Variants in RAB33B observed in about 807,000 individuals in gnomAD.
The protein encoded by RAB33B is RAB33B, member RAS oncogene family.
A neutral mutation model predicts 15.0 loss-of-function variants in RAB33B; 6 were observed. The observed-to-expected ratio is 0.40, with a 90% CI of 0.22 to 0.79. The LOEUF (loss-of-function observed/expected upper bound fraction) is 0.79. RAB33B is among the 30% of genes least tolerant of loss of function. The probability of loss-of-function intolerance (pLI) is 0.37; values close to 1 mark genes in which losing one functional copy is unlikely to be tolerated. For missense variants in RAB33B, 257 were observed against 296.4 expected (o/e 0.87, Z 0.98); for synonymous variants, 117 against 108.3 (o/e 1.08, Z -0.50).
chr4:139,454,009 G>A (rs1750006652), upstream of RAB33B: 3 of 580,786 alleles, frequency 5.2e-6, no homozygotes, highest in African/African-American at 2.0e-5. Context: ...GGGCGGGCGG[G>A]TGCCACACCT....
intron 1 of RAB33B, among the ~76,000 whole-genome samples, chr4:139,470,854 C>T (rs1750374322): frequency 6.6e-6 from 1 of 151,924 alleles, no homozygotes; most frequent in South Asian, 2.1e-4. Context: ...GGAATGAGGG[C>T]CTCACAACTC....
Position 139,475,603 on chromosome 4 carries a change from A to G in RAB33B, c.*2477A>G, listed in dbSNP as rs957954391. The G allele has an allele frequency of 6.6e-6, 1 of 152,066 alleles. No individual in the cohort carries two copies. The highest frequency in any genetic ancestry group is 1.5e-5 in the Non-Finnish European group (1 of 67,926). The allele number at this position is 152,066 out of a possible 1,614,324, so 9.4% of individuals were successfully genotyped here. ...CAAAATCACTTCCAAAATGATAGCT[A>G]TCTAACAACTAATTACTAATTTTTA... On this transcript the variant is annotated 3_prime_UTR_variant, in exon 2 of 2. Coordinates refer to ENST00000305626, the MANE Select transcript of RAB33B (RefSeq NM_031296.3).
At position 139,473,065 on chromosome 4, in the gene RAB33B, C is replaced by T; in HGVS notation, c.629C>T (p.Pro210Leu). 1.2e-6 allele frequency: 2 copies of T among 1,613,916 alleles called. No individual in the cohort carries two copies. Among genetic ancestry groups the T allele is most frequent in the Non-Finnish European group, 8.5e-7 (1 of 1,179,948 alleles). ...CACAAACCATTAATGCTTAGTCAGC[C>T]CCCTGATAATGGAATTATCCTGAAG... The part of the protein sequence containing the change: ...KSHKPLMLSQ[P>L]PDNGIILKPE... The change falls in exon 2 of 2, where the codon CCC (proline) becomes CTC (leucine). Residue 210 changes from proline to leucine, a missense_variant. Transcript: ENST00000305626.
At chr4:139,460,078 A>G (rs138813751) in intron 1 of RAB33B, among the ~76,000 whole-genome samples, 7 of 152,210 alleles carry the variant, frequency 4.6e-5, no homozygotes, top group Admixed American at 2.6e-4. Flanking sequence ...TATTTTGAAG[A>G]TAAAGCCAAA....
chr4:139,447,187 C>T, the RAB33B span, among the ~76,000 whole-genome samples: 2 of 152,170 alleles, frequency 1.3e-5, no homozygotes, highest in South Asian at 2.1e-4. Flanking sequence ...CATGTTCCCC[C>T]GTCATCCTGA....
chr4:139,450,433 A>G (rs995153055), upstream of RAB33B: 6 of 152,222 alleles, frequency 3.9e-5, no homozygotes, highest in African/African-American at 1.2e-4. Flanking sequence ...CAGGGTATCA[A>G]ACTTGTGAGA....
chr4:139,467,479 T>C (rs1750312715), intron 1 of RAB33B, among the ~76,000 whole-genome samples: 1 of 151,114 alleles, frequency 6.6e-6, no homozygotes, highest in Non-Finnish European at 1.5e-5. Context: ...GTACATTATA[T>C]GTTTTGATGC....
chr4:139,451,981 TATTCA>T (rs1443468282), upstream of RAB33B: 1 of 152,234 alleles, frequency 6.6e-6, no homozygotes, highest in Admixed American at 6.5e-5. Context: ...ATTCTGGGGT[TATTCA>T]ATTAAGAAGA....
the RAB33B span, among the ~76,000 whole-genome samples, chr4:139,443,209 G>A: frequency 6.6e-6 from 1 of 152,192 alleles, no homozygotes; most frequent in South Asian, 2.1e-4. Flanking sequence ...AGCCAGGATG[G>A]TCTCGATCTC....
chr4:139,464,386 G>GTTTTTTTTTTTTTT (rs372330119), intron 1 of RAB33B, among the ~76,000 whole-genome samples: 2 of 101,772 alleles, frequency 2.0e-5, no homozygotes, highest in Admixed American at 1.3e-4. Flanking sequence ...GAGGAATACT[G>GTTTTTTTTTTTTTT]TTTTTTTTTT....
At chr4:139,467,147 T>G (rs1209590795) in intron 1 of RAB33B, among the ~76,000 whole-genome samples, 1 of 150,228 alleles carries the variant, frequency 6.7e-6, no homozygotes, top group Non-Finnish European at 1.5e-5. Flanking sequence ...TTTTGTATTA[T>G]TAGTAGAGAT....
rs1287684779 is a variant in RAB33B at position 139,473,066 on chromosome 4, C to T, written c.630C>T (p.Pro210=). 6.2e-7 allele frequency: 1 copy of T among 1,613,902 alleles called. No individual in the cohort carries two copies. Among genetic ancestry groups the T allele is most frequent in the Admixed American group, 1.7e-5 (1 of 59,988 alleles). The stretch of plus-strand genomic sequence containing the variant: ...ACAAACCATTAATGCTTAGTCAGCC[C>T]CCTGATAATGGAATTATCCTGAAGC... The part of the protein sequence containing the change: ...KSHKPLMLSQ[P]PDNGIILKPE... Residue 210 remains proline, a synonymous_variant, in exon 2 of 2, where the codon CCC becomes CCT. Transcript: ENST00000305626.
the RAB33B span, among the ~76,000 whole-genome samples, chr4:139,446,738 C>T: frequency 7.2e-5 from 11 of 152,152 alleles, no homozygotes; most frequent in Non-Finnish European, 1.3e-4. Context: ...AATGGGCCCA[C>T]GAACAAAGTG....
chr4:139,456,232 G>A (rs2111069882), intron 1 of RAB33B, among the ~76,000 whole-genome samples: 1 of 151,510 alleles, frequency 6.6e-6, no homozygotes, highest in Non-Finnish European at 1.5e-5. Context: ...TGAAAGCAGA[G>A]ATAGTGGAGG....
chr4:139,458,075 G>A (rs1407349862), intron 1 of RAB33B, among the ~76,000 whole-genome samples: 5 of 152,090 alleles, frequency 3.3e-5, no homozygotes, highest in African/African-American at 1.2e-4. Context: ...GATTAATGTT[G>A]TACTTCAAGA....
At chr4:139,459,086 C>T (rs1401342140) in intron 1 of RAB33B, among the ~76,000 whole-genome samples, 2 of 151,350 alleles carry the variant, frequency 1.3e-5, no homozygotes, top group African/African-American at 4.9e-5. Flanking sequence ...TGTCCTTTGC[C>T]CTCTTCTTAA....
At chr4:139,464,148 A>C (rs1163500827) in intron 1 of RAB33B, among the ~76,000 whole-genome samples, 1 of 152,084 alleles carries the variant, frequency 6.6e-6, no homozygotes, top group East Asian at 1.9e-4. Flanking sequence ...GGGTCTGGTG[A>C]CACGCGCCTG....
intron 1 of RAB33B, among the ~76,000 whole-genome samples, chr4:139,467,910 A>C (rs1376618889): frequency 6.7e-6 from 1 of 149,978 alleles, no homozygotes; most frequent in Non-Finnish European, 1.5e-5. Flanking sequence ...ATTATTGTTG[A>C]CTATAGTCAC....
the RAB33B span, among the ~76,000 whole-genome samples, chr4:139,440,722 C>T: frequency 6.6e-6 from 1 of 151,904 alleles, no homozygotes; most frequent in African/African-American, 2.4e-5. Context: ...AAGTGGTTCT[C>T]CTGCCTCAGC....
Sources: gnomAD v4.1 joint callset for allele counts (sites outside exome capture counted in the v4.1 genomes callset) on GRCh38, gnomAD v4.1.1 for gene constraint, MANE v1.5 for transcripts, NCBI Gene and HGNC (gene_info 2026-07-23, HGNC 2026-07-21) for gene names.